CERS6: variants seen among roughly 807,000 people sequenced by gnomAD.
CERS6 encodes ceramide synthase 6, also known as LAG1 homolog, ceramide synthase 6.
Under a neutral mutation model 56.8 loss-of-function variants are expected in CERS6, and 26 were observed. The ratio of observed to expected loss-of-function variants is 0.46; its 90% CI spans 0.34 to 0.63. CERS6 has a LOEUF of 0.63. CERS6 is among the 30% of genes least tolerant of loss of function. The pLI, the probability that CERS6 is intolerant of heterozygous loss-of-function variation, is 0.01. For missense variants in CERS6, 415 were observed against 467.5 expected (o/e 0.89, Z 1.04); for synonymous variants, 164 against 173.3 (o/e 0.95, Z 0.42).
chr2:168,600,853 G>A (rs982557235), intron 3 of CERS6, among the ~76,000 whole-genome samples: 5 of 152,208 alleles, frequency 3.3e-5, no homozygotes, highest in Non-Finnish European at 7.3e-5. Context: ...ATGGTCACAT[G>A]TAAGTGGTAG....
intron 4 of CERS6, among the ~76,000 whole-genome samples, chr2:168,632,979 G>A (rs1319910388): frequency 6.6e-6 from 1 of 152,008 alleles, no homozygotes; most frequent in South Asian, 2.1e-4. Flanking sequence ...CTTAGCTCTG[G>A]TTCACTCTGT....
At chr2:168,675,435 A>C (rs1686033573) in intron 4 of CERS6, among the ~76,000 whole-genome samples, 1 of 151,974 alleles carries the variant, frequency 6.6e-6, no homozygotes, top group Non-Finnish European at 1.5e-5. Context: ...AAACACAAAA[A>C]ATTAGCTGGG....
At chr2:168,543,037 C>T (rs1695402058) in intron 1 of CERS6, among the ~76,000 whole-genome samples, 1 of 152,196 alleles carries the variant, frequency 6.6e-6, no homozygotes, top group Non-Finnish European at 1.5e-5. Context: ...CACTACTGCC[C>T]AGTGCTTTCT....
chr2:168,585,755 A>G (rs563158580), intron 3 of CERS6, among the ~76,000 whole-genome samples: 1 of 152,318 alleles, frequency 6.6e-6, no homozygotes, highest in Admixed American at 6.5e-5. Flanking sequence ...AAGAACCAGA[A>G]GCTCATAAAG....
At chr2:168,742,320 T>C (rs182955665) in intron 8 of CERS6, among the ~76,000 whole-genome samples, 1 of 152,266 alleles carries the variant, frequency 6.6e-6, no homozygotes, top group East Asian at 1.9e-4. Flanking sequence ...AATACAATTA[T>C]CATGGAACAG....
At chr2:168,602,152 A>G (rs1323215918) in intron 3 of CERS6, among the ~76,000 whole-genome samples, 1 of 152,238 alleles carries the variant, frequency 6.6e-6, no homozygotes, top group Non-Finnish European at 1.5e-5. Context: ...TATTGCACAA[A>G]TAAGCATTGG....
chr2:168,747,402 G>T lies in CERS6; in HGVS notation c.846-18190G>T, dbSNP rs115993089. Among the ~76,000 whole-genome samples the T allele has an allele frequency of 3.9e-3, 585 of 151,830 alleles. 3 individuals are homozygous for T. The highest frequency in any genetic ancestry group is 0.014 in the African/African-American group (569 of 41,362). On this transcript the variant is annotated intron_variant, in intron 8 of 9. Transcript: ENST00000305747. Reference sequence around the variant, plus strand: ...GTATGAATAATGTTCTACCACTATAGATATGGATTTTTAATCATTTTTTAA... The same window carrying T: ...GTATGAATAATGTTCTACCACTATATATATGGATTTTTAATCATTTTTTAA...
intron 3 of CERS6, among the ~76,000 whole-genome samples, chr2:168,604,046 T>C (rs1683994941): frequency 6.6e-6 from 1 of 152,214 alleles, no homozygotes; most frequent in Non-Finnish European, 1.5e-5. Flanking sequence ...TGATTTGATA[T>C]TAAAATGAAA....
In CERS6 at chr2:168,721,569, T is replaced by TA. The variant is rs1553512969; in HGVS notation, c.845+3599dup. Among the ~76,000 whole-genome samples the TA allele has an allele frequency of 2.3e-3, 295 of 130,762 alleles. 3 individuals carry two copies. Among genetic ancestry groups the TA allele is most frequent in the African/African-American group, 7.8e-3 (274 of 35,072 alleles). The allele number at this position is 130,762 out of a possible 152,430, so 85.8% of individuals were successfully genotyped here. A position where few individuals can be genotyped will look rare whatever the true frequency, so the allele number is the denominator to read the frequency against. ...TTTTGTTTTTGTTTTTTTTTTTGTT[T>TA]AAAAAAAACCAAAAAACAAAAACTA... On this transcript the variant is annotated intron_variant, in intron 8 of 9. Coordinates refer to ENST00000305747, the MANE Select transcript of CERS6 (RefSeq NM_203463.3).
At chr2:168,696,417 A>C (rs1394026388) in intron 6 of CERS6, among the ~76,000 whole-genome samples, 1 of 152,216 alleles carries the variant, frequency 6.6e-6, no homozygotes, top group African/African-American at 2.4e-5. Context: ...TCTCTTAAAC[A>C]GTCTTTCTAT....
intron 4 of CERS6, among the ~76,000 whole-genome samples, chr2:168,659,967 A>G (rs1048478934): frequency 3.3e-5 from 5 of 152,248 alleles, no homozygotes; most frequent in African/African-American, 1.2e-4. Flanking sequence ...TTTATACTAA[A>G]GAGAGGAGAA....
At chr2:168,584,381 T>C (rs138194412) in intron 3 of CERS6, among the ~76,000 whole-genome samples, 35 of 152,298 alleles carry the variant, frequency 2.3e-4, no homozygotes, top group African/African-American at 7.7e-4. Context: ...TCTATCTACA[T>C]AGAAAAACTT....
intron 3 of CERS6, among the ~76,000 whole-genome samples, chr2:168,587,907 T>C (rs1683581873): frequency 6.6e-6 from 1 of 152,094 alleles, no homozygotes; most frequent in African/African-American, 2.4e-5. Flanking sequence ...TCTGGGCAAG[T>C]ACTGCTCTAG....
At chr2:168,668,629 T>A (rs1423346931) in intron 4 of CERS6, among the ~76,000 whole-genome samples, 1 of 151,958 alleles carries the variant, frequency 6.6e-6, no homozygotes, top group East Asian at 1.9e-4. Flanking sequence ...TTTCTTAATT[T>A]TTTTAGTAGA....
intron 4 of CERS6, among the ~76,000 whole-genome samples, chr2:168,656,766 G>A (rs1175316760): frequency 1.1e-4 from 16 of 151,766 alleles, no homozygotes; most frequent in Middle Eastern, 6.8e-3. Context: ...CTGCTGGCTC[G>A]GGCAGCCTGC....
rs879138075 is a variant in CERS6 at position 168,771,865 on chromosome 2, A to AT, written c.*2208dup. Reference sequence around the variant, plus strand: ...TTAGCAAAGGCAAATCTAAGCAATCATTTTTCCCCCCAGAAGTTACTTAGA... The same window carrying AT: ...TTAGCAAAGGCAAATCTAAGCAATCATTTTTTCCCCCCAGAAGTTACTTAGA... On this transcript the variant is annotated 3_prime_UTR_variant, in exon 10 of 10. Transcript: ENST00000305747. The AT allele has an allele frequency of 6.6e-6, 1 of 152,108 alleles. No individual in the cohort carries two copies. 9.4% of individuals were successfully genotyped at this position (152,108 alleles called of 1,614,324 possible).
intron 1 of CERS6, among the ~76,000 whole-genome samples, chr2:168,536,342 C>T (rs1208631628): frequency 6.6e-6 from 1 of 152,082 alleles, no homozygotes; most frequent in Non-Finnish European, 1.5e-5. Flanking sequence ...ATAATATGAA[C>T]ACACGTAGAG....
intron 6 of CERS6, among the ~76,000 whole-genome samples, chr2:168,702,231 G>A (rs1160537030): frequency 6.6e-6 from 1 of 152,156 alleles, no homozygotes; most frequent in Non-Finnish European, 1.5e-5. Context: ...AATATTGTGT[G>A]TGATGAAATT....
intron 8 of CERS6, among the ~76,000 whole-genome samples, chr2:168,744,150 C>T (rs369218855): frequency 6.6e-6 from 1 of 151,326 alleles, no homozygotes; most frequent in African/African-American, 2.4e-5. Context: ...GGACTACAGG[C>T]ACCCACCACC....
Sources: gnomAD v4.1 joint callset for allele counts (sites outside exome capture counted in the v4.1 genomes callset) on GRCh38, gnomAD v4.1.1 for gene constraint, MANE v1.5 for transcripts, NCBI Gene and HGNC (gene_info 2026-07-23, HGNC 2026-07-21) for gene names.